WFDC11: variants seen among roughly 807,000 people sequenced by gnomAD.
WFDC11 encodes the protein WAP four-disulfide core domain 11.
WFDC11 carries 9 observed loss-of-function variants against 9.9 expected under a neutral mutation model. The observed-to-expected ratio is 0.91, with a 90% confidence interval of 0.55 to 1.58. The LOEUF (loss-of-function observed/expected upper bound fraction) is 1.58. Among genes scored for constraint, WFDC11 ranks in the 40% most tolerant of loss-of-function variants. The probability of loss-of-function intolerance (pLI) is 0.00; values close to 1 mark genes in which losing one functional copy is unlikely to be tolerated. For missense variants in WFDC11, 106 were observed against 101.7 expected (o/e 1.04, Z -0.18); for synonymous variants, 32 against 33.3 (o/e 0.96, Z 0.13).
chr20:45,649,289 T>C lies in WFDC11; in HGVS notation c.211A>G (p.Thr71Ala), dbSNP rs1600934570. 6.2e-7 allele frequency: 1 copy of C among 1,614,072 alleles called. No homozygotes were observed. Among genetic ancestry groups the C allele is most frequent in the South Asian group, 1.1e-5 (1 of 91,050 alleles). The part of the protein sequence containing the change: ...CKDKNYTCCW[T>A]YCGNICWINV... ...ATCCAGCAGATGTTTCCACAATAGG[T>C]CCAGCAGCATGTGTAATTTTTGTCT... The change falls in exon 4 of 5, where the codon ACC (threonine) becomes GCC (alanine). Residue 71 changes from threonine (T) to alanine (A), a missense_variant. Physicochemically the swap from Thr to Ala is moderately conservative, Grantham distance 58 (BLOSUM62 0). Transcript: ENST00000324384.
At chr20:45,667,200 A>C (rs1983204450) in intron 1 of WFDC11, 31 bp from the exon 2 acceptor site, 1 of 152,260 alleles carries the variant, frequency 6.6e-6, no homozygotes, top group Admixed American at 6.5e-5. Flanking sequence ...GAGCAAAACC[A>C]GTCAATTATG....
intron 2 of WFDC11, among the ~76,000 whole-genome samples, chr20:45,662,568 C>T (rs1279014450): frequency 6.6e-6 from 1 of 152,110 alleles, no homozygotes; most frequent in Non-Finnish European, 1.5e-5. Context: ...TCATAGATAG[C>T]TCTTATTATT....
intron 3 of WFDC11, 77 bp downstream of exon 3, chr20:45,650,424 G>A: frequency 8.3e-7 from 1 of 1,211,580 alleles, no homozygotes; most frequent in Non-Finnish European, 1.2e-6. Context: ...AGATACAGCG[G>A]ACAATGAAAC....
At chr20:45,650,238 G>GTATATATA (rs373093139) in intron 3 of WFDC11, among the ~76,000 whole-genome samples, 114 of 150,002 alleles carry the variant, frequency 7.6e-4, no homozygotes, top group Admixed American at 2.3e-3. Context: ...ACATGTGTTT[G>GTATATATA]TATATATATA....
intron 2 of WFDC11, among the ~76,000 whole-genome samples, chr20:45,666,095 G>T (rs776643899): frequency 1.2e-4 from 18 of 152,302 alleles, no homozygotes; most frequent in Middle Eastern, 3.4e-3. Flanking sequence ...GAGCTTCCCA[G>T]CCACTTTGTT....
chr20:45,650,423 G>A (rs568032784), intron 3 of WFDC11, 78 bp downstream of exon 3: 316 of 1,195,142 alleles, frequency 2.6e-4, no homozygotes, highest in Non-Finnish European at 3.4e-4. Flanking sequence ...CAGATACAGC[G>A]GACAATGAAA....
intron 2 of WFDC11, among the ~76,000 whole-genome samples, chr20:45,666,162 C>T (rs975349250): frequency 1.3e-5 from 2 of 152,230 alleles, no homozygotes; most frequent in African/African-American, 2.4e-5. Context: ...GCTGCCACCT[C>T]GCATTTCGAT....
chr20:45,654,048 C>T (rs1882898018), intron 2 of WFDC11, among the ~76,000 whole-genome samples: 1 of 152,116 alleles, frequency 6.6e-6, no homozygotes, highest in Non-Finnish European at 1.5e-5. Flanking sequence ...CAAGGATTTC[C>T]AGGAATTGAA....
chr20:45,650,681 G>C, intron 2 of WFDC11, 30 bp from the exon 3 acceptor site: 1 of 1,187,514 alleles, frequency 8.4e-7, no homozygotes, highest in Non-Finnish European at 1.3e-6. Context: ...AATAGGGAAA[G>C]AGAGGTGTGA....
chr20:45,650,230 ATG>A (rs1982772689), intron 3 of WFDC11, among the ~76,000 whole-genome samples: 1 of 138,784 alleles, frequency 7.2e-6, no homozygotes, highest in Non-Finnish European at 1.5e-5. Context: ...ACACACACAC[ATG>A]TGTTTGTATA....
At chr20:45,649,538 G>T in intron 3 of WFDC11, 139 bp from the exon 4 acceptor site, 1 of 1,074,126 alleles carries the variant, frequency 9.3e-7, no homozygotes, top group Non-Finnish European at 1.3e-6. Flanking sequence ...GCCTTTTAAG[G>T]GAATTGCCTT....
At chr20:45,654,728 A>C (rs1600937525) in intron 2 of WFDC11, among the ~76,000 whole-genome samples, 1 of 152,240 alleles carries the variant, frequency 6.6e-6, no homozygotes, top group East Asian at 1.9e-4. Flanking sequence ...AAATAGATGC[A>C]ATAAAAAATG....
Position 45,654,896 on chromosome 20 carries a change from G to A in WFDC11, c.-51-4245C>T, listed in dbSNP as rs180930446. Reference sequence around the variant, plus strand: ...GACTAAACCAGGAAGAAGTTGAATCGCTGAATAGACCAAAAATGGGCTCTG... The same window carrying A: ...GACTAAACCAGGAAGAAGTTGAATCACTGAATAGACCAAAAATGGGCTCTG... On this transcript the variant is annotated intron_variant, in intron 2 of 4. Coordinates refer to ENST00000324384, the MANE Select transcript of WFDC11 (RefSeq NM_147197.2). 7.2e-5 allele frequency among the ~76,000 whole-genome samples: 11 copies of A among 152,090 alleles called. No homozygotes were observed. The East Asian group carries it at 7.7e-4, about 11-fold the overall frequency.
intron 2 of WFDC11, among the ~76,000 whole-genome samples, chr20:45,665,611 T>A (rs1416497806): frequency 6.6e-6 from 1 of 152,218 alleles, no homozygotes; most frequent in Non-Finnish European, 1.5e-5. Context: ...GGTGTAGATG[T>A]CCTTTTTGTT....
chr20:45,662,402 C>A (rs1190119745), intron 2 of WFDC11, among the ~76,000 whole-genome samples: 1 of 152,114 alleles, frequency 6.6e-6, no homozygotes, highest in Non-Finnish European at 1.5e-5. Context: ...TAATTGAATA[C>A]ACTTTATTTC....
At chr20:45,669,263 A>G (rs1215767807) in intron 1 of WFDC11, among the ~76,000 whole-genome samples, 1 of 152,158 alleles carries the variant, frequency 6.6e-6, no homozygotes, top group African/African-American at 2.4e-5. Flanking sequence ...TGGGTAACTC[A>G]TTTCACTTCT....
intron 2 of WFDC11, among the ~76,000 whole-genome samples, chr20:45,659,445 C>T (rs1983005784): frequency 6.6e-6 from 1 of 152,190 alleles, no homozygotes; most frequent in Non-Finnish European, 1.5e-5. Flanking sequence ...TTTTGATTTG[C>T]ATTTCTCTAA....
intron 2 of WFDC11, among the ~76,000 whole-genome samples, chr20:45,654,690 C>T (rs1982883980): frequency 6.6e-6 from 1 of 151,900 alleles, no homozygotes; most frequent in Non-Finnish European, 1.5e-5. Flanking sequence ...GCTAGCAAGA[C>T]TAATAAAGAA....
At chr20:45,658,029 CTT>C (rs970005616) in intron 2 of WFDC11, among the ~76,000 whole-genome samples, 4 of 151,940 alleles carry the variant, frequency 2.6e-5, no homozygotes, top group African/African-American at 2.4e-5. Flanking sequence ...TATATAATGA[CTT>C]TTTGAAAACT....
Sources: gnomAD v4.1 joint callset for allele counts (sites outside exome capture counted in the v4.1 genomes callset) on GRCh38, gnomAD v4.1.1 for gene constraint, MANE v1.5 for transcripts, NCBI Gene and HGNC (gene_info 2026-07-23, HGNC 2026-07-21) for gene names.